RABGAP1: variants seen among roughly 807,000 people sequenced by gnomAD.
RABGAP1 encodes the protein rab GTPase-activating protein 1.
A neutral mutation model predicts 137.6 loss-of-function variants in RABGAP1; 23 were observed. That is an observed-to-expected ratio of 0.17 (90% CI 0.12 to 0.24). RABGAP1 has a LOEUF of 0.24. Among genes scored for constraint, RABGAP1 ranks in the 10% least tolerant of loss-of-function variants. The pLI, the probability that RABGAP1 is intolerant of heterozygous loss-of-function variation, is 1.00. For synonymous variants in RABGAP1, 451 were observed against 450.7 expected (o/e 1.00, Z -0.01); for missense variants, 906 against 1,275.8 (o/e 0.71, Z 4.42).
At chr9:122,986,069 T>C (rs1836354229) in intron 3 of RABGAP1, 146 bp from the exon 4 acceptor site, 6 of 698,870 alleles carry the variant, frequency 8.6e-6, no homozygotes, top group Non-Finnish European at 1.4e-5. Flanking sequence ...CTGGTTTTCA[T>C]GGGCATTTCT....
chr9:123,022,200 T>C (rs929564599), intron 13 of RABGAP1, among the ~76,000 whole-genome samples: 2 of 152,226 alleles, frequency 1.3e-5, no homozygotes, highest in Admixed American at 6.5e-5. Context: ...AATATTTTGG[T>C]AAGACTATTC....
At chr9:122,984,410 A>C (rs1836254032) in intron 2 of RABGAP1, 75 bp from the exon 3 acceptor site, 1 of 1,186,482 alleles carries the variant, frequency 8.4e-7, no homozygotes, top group African/African-American at 1.5e-5. Flanking sequence ...GATTTTCTTT[A>C]GAATGTGAAC....
At chr9:122,973,250 G>A (rs7040058) in intron 2 of RABGAP1, among the ~76,000 whole-genome samples, 2 of 152,034 alleles carry the variant, frequency 1.3e-5, no homozygotes, top group African/African-American at 4.8e-5. Context: ...ACTTTTTTTT[G>A]CTTTTGAGAC....
intron 13 of RABGAP1, chr9:123,021,055 T>G: frequency 3.9e-6 from 1 of 259,604 alleles, no homozygotes. Context: ...TTTGTGCCTT[T>G]GTGTTCATGT....
At chr9:122,966,589 A>G (rs1005154074) in intron 2 of RABGAP1, among the ~76,000 whole-genome samples, 2 of 150,784 alleles carry the variant, frequency 1.3e-5, no homozygotes, top group Non-Finnish European at 3.0e-5. Flanking sequence ...GAGTGTAGAT[A>G]TTGAAGAGAC....
intron 16 of RABGAP1, 125 bp from the exon 17 acceptor site, chr9:123,074,160 T>C (rs2034443791): frequency 1.7e-6 from 2 of 1,154,658 alleles, no homozygotes; most frequent in Non-Finnish European, 2.5e-6. Flanking sequence ...CTAAGCACTT[T>C]GGAGATTTTT....
chr9:122,979,731 A>G (rs975540956), intron 2 of RABGAP1, among the ~76,000 whole-genome samples: 4 of 152,220 alleles, frequency 2.6e-5, no homozygotes, highest in African/African-American at 9.6e-5. Flanking sequence ...TCTCCATTTA[A>G]TAACCTTGAC....
intron 13 of RABGAP1, among the ~76,000 whole-genome samples, chr9:123,032,943 G>GT (rs1379259205): frequency 6.6e-6 from 1 of 152,158 alleles, no homozygotes; most frequent in Non-Finnish European, 1.5e-5. Context: ...TCTATCTTCT[G>GT]TTTGTATTCT....
intron 2 of RABGAP1, among the ~76,000 whole-genome samples, chr9:122,965,005 A>G (rs1387736715): frequency 6.6e-6 from 1 of 152,190 alleles, no homozygotes; most frequent in Non-Finnish European, 1.5e-5. Flanking sequence ...TCTACTTAGA[A>G]AAAAAGATTT....
intron 9 of RABGAP1, among the ~76,000 whole-genome samples, chr9:122,997,868 A>T (rs1837115276): frequency 6.6e-6 from 1 of 152,186 alleles, no homozygotes; most frequent in Non-Finnish European, 1.5e-5. Context: ...TAATTTGCTT[A>T]ATAAATGCCT....
intron 13 of RABGAP1, chr9:123,035,437 T>G: frequency 1.2e-6 from 2 of 1,614,210 alleles, no homozygotes; most frequent in Non-Finnish European, 1.7e-6. Context: ...CTTGACCACC[T>G]GGCTTGCTAT....
chr9:123,087,413 A>G (rs62580314), intron 19 of RABGAP1, among the ~76,000 whole-genome samples: 10,143 of 152,226 alleles, frequency 0.067, 402 homozygotes, highest in African/African-American at 0.083. Flanking sequence ...TTCAGAATGC[A>G]AAAGCACTGG....
At chr9:122,984,819 G>A (rs1234556944) in intron 3 of RABGAP1, 100 bp downstream of exon 3, 1 of 1,115,664 alleles carries the variant, frequency 9.0e-7, no homozygotes, top group East Asian at 2.6e-5. Flanking sequence ...CAAAACCATT[G>A]TCTACAAAAA....
chr9:122,941,499 A>G (rs909885852), intron 1 of RABGAP1, among the ~76,000 whole-genome samples: 5 of 151,940 alleles, frequency 3.3e-5, no homozygotes, highest in Non-Finnish European at 5.9e-5. Context: ...GTTTCTCCCC[A>G]TTGCTCACTA....
In RABGAP1 at chr9:123,073,667, G is replaced by A. The variant is rs757126808; in HGVS notation, c.2099G>A (p.Arg700His). Residue 700 changes from arginine (R) to histidine (H), a missense_variant, in exon 16 of 26, where the codon CGC (arginine) becomes CAC (histidine). Arg to His is a conservative substitution (Grantham distance 29). This residue lies in a region of RABGAP1 where 25 missense variants were observed against 31.7 expected (regional missense o/e 0.79). Coordinates refer to ENST00000373647, the MANE Select transcript of RABGAP1 (RefSeq NM_012197.4). ...DLHCKFYQLE[R>H]LMQEYIPDLY... ...CATTGCAAATTTTACCAGTTGGAGC[G>A]CCTCATGCAGGTAAAAAGAGAAACC... The A allele has an allele frequency of 2.1e-5, 34 of 1,613,680 alleles. No individual in the cohort carries two copies. The highest frequency in any genetic ancestry group is 6.6e-5 in the South Asian group (6 of 91,042).
intron 1 of RABGAP1, among the ~76,000 whole-genome samples, chr9:122,949,331 G>A (rs1229052310): frequency 2.6e-5 from 4 of 152,074 alleles, no homozygotes; most frequent in Non-Finnish European, 5.9e-5. Context: ...TGGCCAACAT[G>A]GCGAAACCCC....
At position 123,070,544 on chromosome 9, in the gene RABGAP1, AC is replaced by A; in HGVS notation, c.1983+122del. The A allele has an allele frequency of 6.8e-7, 1 of 1,472,940 alleles. No homozygotes were observed. Among genetic ancestry groups the A allele is most frequent in the Admixed American group, 2.4e-5 (1 of 41,460 alleles). The allele number at this position is 1,472,940 out of a possible 1,614,324, so 91.2% of individuals were successfully genotyped here. ...AGACTCTTAAGGCATGAATTTTAAC[AC>A]CTATAGCTGGAAACTTTTTCCTTAA... On this transcript the variant is annotated intron_variant, in intron 15 of 25. Coordinates refer to ENST00000373647, the MANE Select transcript of RABGAP1 (RefSeq NM_012197.4). The surrounding 1 kb of genome is among the most constrained non-coding windows in gnomAD (Gnocchi z 4.4).
chr9:122,994,804 C>G (rs542325857), intron 6 of RABGAP1, among the ~76,000 whole-genome samples: 49 of 152,182 alleles, frequency 3.2e-4, no homozygotes, highest in Non-Finnish European at 6.0e-4. Context: ...TGTGGGAGAA[C>G]AGGGGATTAT....
chr9:123,065,627 A>G (rs768314950), intron 14 of RABGAP1, 166 bp downstream of exon 14: 94 of 603,606 alleles, frequency 1.6e-4, no homozygotes, highest in Admixed American at 7.8e-4. Context: ...TAGATTCATT[A>G]AAGAGTAGAA....
Sources: gnomAD v4.1 joint callset for allele counts (sites outside exome capture counted in the v4.1 genomes callset) on GRCh38, gnomAD v4.1.1 for gene constraint, gnomAD v4.1.1 regional missense constraint, Gnocchi (gnomAD v3.1) non-coding constraint, MANE v1.5 for transcripts, NCBI Gene and HGNC (gene_info 2026-07-23, HGNC 2026-07-21) for gene names.